SCP2: variants seen among roughly 807,000 people sequenced by gnomAD.
The protein encoded by SCP2 is sterol carrier protein 2.
SCP2 carries 48 observed loss-of-function variants against 71.4 expected under a neutral mutation model. The observed-to-expected ratio is 0.67, with a 90% CI of 0.53 to 0.86. SCP2 has a LOEUF of 0.86. Ranked by LOEUF, SCP2 falls within the 40% of genes least tolerant of loss-of-function variation. The pLI is 0.00. For missense variants in SCP2, 560 were observed against 655.6 expected, an observed-to-expected ratio of 0.85 and a Z score of 1.59; for synonymous variants, 220 against 218.1, an observed-to-expected ratio of 1.01 and a Z score of -0.08.
At chr1:52,960,819 C>A (rs1656360512) in intron 5 of SCP2, among the ~76,000 whole-genome samples, 2 of 149,524 alleles carry the variant, frequency 1.3e-5, no homozygotes, top group Admixed American at 1.3e-4. Flanking sequence ...GTGGTGTGAT[C>A]TCGGCTCACT....
intron 2 of SCP2, among the ~76,000 whole-genome samples, chr1:52,947,314 A>G (rs1654900735): frequency 6.7e-6 from 1 of 150,260 alleles, no homozygotes; most frequent in African/African-American, 2.4e-5. Flanking sequence ...CCCCATGGAC[A>G]ACTTCTTTTA....
chr1:52,979,816 T>C (rs1159901348), intron 9 of SCP2, among the ~76,000 whole-genome samples: 1 of 152,170 alleles, frequency 6.6e-6, no homozygotes, highest in Non-Finnish European at 1.5e-5. Flanking sequence ...AAATTGAATA[T>C]GTACATCCTT....
chr1:53,050,876 G>A lies in SCP2; in HGVS notation c.*172G>A. On this transcript the variant is annotated 3_prime_UTR_variant, in exon 16 of 16. Transcript: ENST00000371514. ...TTTTCCTATGCTCTGGGTGAATAGA[G>A]CCTGATGGTATACTACTGCTTTGCG... is the stretch of plus-strand genomic sequence containing the variant. 1.7e-6 allele frequency: 1 copy of A among 588,444 alleles called. No homozygotes were observed. Among genetic ancestry groups the A allele is most frequent in the Admixed American group, 2.7e-5 (1 of 37,106 alleles). 36.5% of individuals were successfully genotyped at this position (588,444 alleles called of 1,614,324 possible).
chr1:52,990,238 G>T (rs1408480104), intron 11 of SCP2, among the ~76,000 whole-genome samples: 1 of 150,586 alleles, frequency 6.6e-6, no homozygotes, highest in African/African-American at 2.5e-5. Context: ...TTTTAGAGAA[G>T]CTACATTATT....
In SCP2 at chr1:52,941,880, A is replaced by G. The variant is rs755903975; in HGVS notation, c.127+27A>G. The stretch of plus-strand genomic sequence containing the variant: ...TAACATAGAACATTTAGATCTTTGA[A>G]CATTCATAGTTTATTATGTGGTCTG... On this transcript the variant is annotated intron_variant, in intron 2 of 15. Coordinates refer to ENST00000371514, the MANE Select transcript of SCP2 (RefSeq NM_002979.5). 5 of 1,525,134 alleles carry G rather than the reference A, an allele frequency of 3.3e-6. No individual in the cohort carries two copies. The East Asian group carries it at 6.8e-5, about 21-fold the overall frequency. The allele number at this position is 1,525,134 out of a possible 1,614,324, so 94.5% of individuals were successfully genotyped here. A position where few individuals can be genotyped will look rare whatever the true frequency, so the allele number is the denominator to read the frequency against.
intron 3 of SCP2, among the ~76,000 whole-genome samples, chr1:52,949,589 T>A: frequency 6.6e-6 from 1 of 152,180 alleles, no homozygotes; most frequent in East Asian, 1.9e-4. Context: ...GACCTCACAT[T>A]CTGTATTTGT....
At chr1:53,013,997 G>A (rs1217883968) in intron 11 of SCP2, among the ~76,000 whole-genome samples, 1 of 138,344 alleles carries the variant, frequency 7.2e-6, no homozygotes, top group African/African-American at 2.6e-5. Context: ...CCGGGTTCAC[G>A]CCATTCTCCT....
In SCP2 at chr1:53,020,978, T is replaced by A. The variant is rs921888301; in HGVS notation, c.1235+5935T>A. Reference sequence around the variant, plus strand: ...AAGGTTTGATTACAATGCAGGACTTTATAATCTTCCCAAACACTAAGAATA... The same window carrying A: ...AAGGTTTGATTACAATGCAGGACTTAATAATCTTCCCAAACACTAAGAATA... On this transcript the variant is annotated intron_variant, in intron 12 of 15. Transcript: ENST00000371514. Among the ~76,000 whole-genome samples the A allele has an allele frequency of 2.0e-5, 3 of 152,294 alleles. 1 individual carries two copies. The South Asian group carries it at 6.2e-4, about 32-fold the overall frequency.
chr1:52,952,753 C>T (rs1655431853), intron 4 of SCP2, among the ~76,000 whole-genome samples: 2 of 151,952 alleles, frequency 1.3e-5, no homozygotes, highest in Non-Finnish European at 2.9e-5. Flanking sequence ...GGCAACAGAG[C>T]AAGACACTGT....
chr1:52,943,694 G>GT, intron 2 of SCP2: 1 of 442,466 alleles, frequency 2.3e-6, no homozygotes, highest in Non-Finnish European at 4.4e-6. Context: ...GTGCCAATCT[G>GT]TTTTTAAGTC....
chr1:53,050,456 G>T (rs1484078819), intron 15 of SCP2, 153 bp from the exon 16 acceptor site: 5 of 608,912 alleles, frequency 8.2e-6, no homozygotes, highest in African/African-American at 1.9e-5. Context: ...GAAGAATGTG[G>T]TTCCAAATCT....
At chr1:52,960,024 T>TG (rs1237481772) in intron 5 of SCP2, among the ~76,000 whole-genome samples, 1 of 151,974 alleles carries the variant, frequency 6.6e-6, no homozygotes, top group Non-Finnish European at 1.5e-5. Context: ...CCTGAGTAGC[T>TG]GGGATTACAG....
intron 13 of SCP2, among the ~76,000 whole-genome samples, chr1:53,036,714 A>G (rs2150258432): frequency 6.6e-6 from 1 of 151,940 alleles, no homozygotes; most frequent in East Asian, 1.9e-4. Context: ...TAAAAGATAT[A>G]TATCTTAAAT....
At position 53,024,782 on chromosome 1, in the gene SCP2, G is replaced by A. The variant is rs998129354; in HGVS notation, c.1236-3187G>A. Among the ~76,000 whole-genome samples, 15 of 152,044 alleles carry A rather than the reference G, an allele frequency of 9.9e-5. No homozygotes were observed. The East Asian group carries it at 2.9e-3, about 30-fold the overall frequency. On this transcript the variant is annotated intron_variant, in intron 12 of 15. Coordinates refer to ENST00000371514, the MANE Select transcript of SCP2 (RefSeq NM_002979.5). ...AGACGGGGTTTCACTATGTTGGCCAGGCTGGTCTCGAACTCCTGACCTCAG... is the reference window on the plus strand; with the variant it reads ...AGACGGGGTTTCACTATGTTGGCCAAGCTGGTCTCGAACTCCTGACCTCAG...
chr1:53,050,689 C>T lies in SCP2; in HGVS notation c.1629C>T (p.Gly543=), dbSNP rs745787905. 6.2e-7 allele frequency: 1 copy of T among 1,611,018 alleles called. No homozygotes were observed. The part of the protein sequence containing the change: ...MKLQNLQLQP[G]NAKL ...TACAAAATCTTCAGCTTCAGCCAGG[C>T]AACGCTAAGCTCTGAAGAACTCCCT... The change falls in exon 16 of 16, where the codon GGC becomes GGT. Residue 543 remains glycine, a synonymous_variant. Coordinates refer to ENST00000371514, the MANE Select transcript of SCP2 (RefSeq NM_002979.5).
chr1:52,989,251 A>G (rs1433547973), intron 11 of SCP2, among the ~76,000 whole-genome samples: 2 of 152,238 alleles, frequency 1.3e-5, no homozygotes, highest in African/African-American at 2.4e-5. Context: ...CAAAATAACA[A>G]CATCCAAAAA....
intron 11 of SCP2, among the ~76,000 whole-genome samples, chr1:53,008,819 C>T (rs1305155320): frequency 2.6e-5 from 4 of 151,992 alleles, no homozygotes; most frequent in Non-Finnish European, 2.9e-5. Context: ...GTATTCAATT[C>T]GGAAAAGAGG....
At chr1:53,004,701 C>T (rs556428718) in intron 11 of SCP2, among the ~76,000 whole-genome samples, 2 of 152,302 alleles carry the variant, frequency 1.3e-5, no homozygotes, top group East Asian at 3.9e-4. Flanking sequence ...TCTACAGCTC[C>T]CAGCGTGAGT....
At chr1:53,024,529 T>C (rs754282293) in intron 12 of SCP2, among the ~76,000 whole-genome samples, 1 of 152,082 alleles carries the variant, frequency 6.6e-6, no homozygotes, top group Non-Finnish European at 1.5e-5. Flanking sequence ...GACTCTCATA[T>C]GCCCACATCC....
Sources: gnomAD v4.1 joint callset for allele counts (sites outside exome capture counted in the v4.1 genomes callset) on GRCh38, gnomAD v4.1.1 for gene constraint, MANE v1.5 for transcripts, NCBI Gene and HGNC (gene_info 2026-07-23, HGNC 2026-07-21) for gene names.